Variants in APBB1IP observed in about 807,000 individuals in gnomAD.
The protein encoded by APBB1IP is amyloid beta precursor protein binding family B member 1 interacting protein.
Under a neutral mutation model 64.9 loss-of-function variants are expected in APBB1IP, and 27 were observed. That is an observed-to-expected ratio of 0.42 (90% CI 0.31 to 0.57). APBB1IP has a LOEUF of 0.57. Ranked by LOEUF, APBB1IP falls within the 20% of genes least tolerant of loss-of-function variation. The pLI is 0.20. For synonymous variants in APBB1IP, 392 were observed against 331.0 expected, an observed-to-expected ratio of 1.18 and a Z score of -2.00; for missense variants, 812 against 845.5, an observed-to-expected ratio of 0.96 and a Z score of 0.49.
intron 8 of APBB1IP, among the ~76,000 whole-genome samples, chr10:26,520,658 T>G (rs1178319653): frequency 6.6e-6 from 1 of 152,208 alleles, no homozygotes; most frequent in African/African-American, 2.4e-5. Context: ...TTGCTAGGCA[T>G]CCATTTCCAC....
At position 26,496,353 on chromosome 10, in the gene APBB1IP, C is replaced by G. The variant is rs1028172656; in HGVS notation, c.122C>G (p.Ala41Gly). The change falls in exon 4 of 15, where the codon GCT becomes GGT. Residue 41 changes from alanine (A) to glycine (G), a missense_variant. By Grantham distance (60) the Ala-to-Gly change is moderately conservative. Transcript: ENST00000376236. ...CCTCCTGACCCTAATCCACCCAGAG[C>G]TGAATTTAACTACAGTGTGGGGTTT... Reference protein sequence around the residue: ...LPPPDPNPPRAEFNYSVGFKD... With the variant: ...LPPPDPNPPRGEFNYSVGFKD... The G allele has an allele frequency of 6.2e-7, 1 of 1,612,776 alleles. No individual in the cohort carries two copies. Among genetic ancestry groups the G allele is most frequent in the East Asian group, 2.2e-5 (1 of 44,764 alleles).
intron 11 of APBB1IP, among the ~76,000 whole-genome samples, chr10:26,544,365 A>G (rs1836734810): frequency 6.6e-6 from 1 of 152,234 alleles, no homozygotes; most frequent in Admixed American, 6.5e-5. Flanking sequence ...GACTCTTTAC[A>G]AATGCAGGTT....
chr10:26,510,605 G>C (rs1464670096), intron 6 of APBB1IP, among the ~76,000 whole-genome samples: 4 of 151,828 alleles, frequency 2.6e-5, no homozygotes, highest in African/African-American at 9.7e-5. Flanking sequence ...GTGTGGTGGT[G>C]CACACCTGTG....
At chr10:26,440,643 T>C (rs1207831906) in intron 2 of APBB1IP, among the ~76,000 whole-genome samples, 3 of 150,860 alleles carry the variant, frequency 2.0e-5, no homozygotes, top group Admixed American at 6.7e-5. Flanking sequence ...TGAATTACTT[T>C]ATGGCATTAC....
At chr10:26,479,968 C>T (rs1478564666) in intron 2 of APBB1IP, among the ~76,000 whole-genome samples, 1 of 152,184 alleles carries the variant, frequency 6.6e-6, no homozygotes, top group African/African-American at 2.4e-5. Context: ...ACTAACATGG[C>T]ACCCTGTGGC....
intron 8 of APBB1IP, among the ~76,000 whole-genome samples, chr10:26,525,508 C>G (rs1436266534): frequency 6.6e-6 from 1 of 152,112 alleles, no homozygotes; most frequent in Non-Finnish European, 1.5e-5. Flanking sequence ...TACAGAGACT[C>G]TCTTGCACAG....
intron 2 of APBB1IP, among the ~76,000 whole-genome samples, chr10:26,490,803 CT>C (rs1835945639): frequency 2.0e-5 from 3 of 152,290 alleles, no homozygotes; most frequent in South Asian, 4.1e-4. Flanking sequence ...ATTATTCTCT[CT>C]GCTTTTTTAT....
chr10:26,500,448 C>G (rs79840977), intron 4 of APBB1IP, among the ~76,000 whole-genome samples: 3,814 of 152,218 alleles, frequency 0.025, 137 homozygotes, highest in African/African-American at 0.079. Context: ...AATGCTCCCC[C>G]CTCTGCTACT....
chr10:26,452,860 A>G (rs997636551), intron 2 of APBB1IP, among the ~76,000 whole-genome samples: 1 of 152,160 alleles, frequency 6.6e-6, no homozygotes, highest in Non-Finnish European at 1.5e-5. Flanking sequence ...CTGTATAGCC[A>G]TGTATACTCA....
At chr10:26,476,123 A>G (rs1335973764) in intron 2 of APBB1IP, among the ~76,000 whole-genome samples, 3 of 151,712 alleles carry the variant, frequency 2.0e-5, no homozygotes, top group East Asian at 3.9e-4. Flanking sequence ...CAATGCCACA[A>G]TCACAGCTCA....
chr10:26,507,563 G>C (rs1836198265), intron 6 of APBB1IP, among the ~76,000 whole-genome samples: 1 of 152,182 alleles, frequency 6.6e-6, no homozygotes, highest in Admixed American at 6.5e-5. Context: ...CAAGGTATGA[G>C]AGCAGGATTG....
Position 26,567,796 on chromosome 10 carries a change from T to G in APBB1IP, c.*308T>G. 12 of 350,904 alleles carry G rather than the reference T, an allele frequency of 3.4e-5. No homozygotes were observed. The highest frequency in any genetic ancestry group is 1.4e-4 in the East Asian group (1 of 6,916). 21.7% of individuals were successfully genotyped at this position (350,904 alleles called of 1,614,324 possible). A position where few individuals can be genotyped will look rare whatever the true frequency, so the allele number is the denominator to read the frequency against. ...AGCATCAAATAAAAGTTAAACGTTT[T>G]TCCGGAAGACGGTATTTCTAGAAAG... On this transcript the variant is annotated 3_prime_UTR_variant, in exon 15 of 15. Coordinates refer to ENST00000376236, the MANE Select transcript of APBB1IP (RefSeq NM_019043.4).
At chr10:26,445,072 T>C (rs773793728) in intron 2 of APBB1IP, among the ~76,000 whole-genome samples, 1 of 140,706 alleles carries the variant, frequency 7.1e-6, no homozygotes, top group Non-Finnish European at 1.5e-5. Flanking sequence ...CACTCCAGCC[T>C]GGTGACAGAG....
intron 13 of APBB1IP, among the ~76,000 whole-genome samples, chr10:26,561,773 C>G (rs1314990266): frequency 6.6e-6 from 1 of 152,148 alleles, no homozygotes; most frequent in Non-Finnish European, 1.5e-5. Context: ...AAAACCACAT[C>G]TAATTCCAGA....
At chr10:26,522,929 G>A (rs528023646) in intron 8 of APBB1IP, among the ~76,000 whole-genome samples, 14 of 150,910 alleles carry the variant, frequency 9.3e-5, no homozygotes, top group Middle Eastern at 3.4e-3. Context: ...GCTTGAACCC[G>A]GGAGGTGGAG....
intron 8 of APBB1IP, among the ~76,000 whole-genome samples, chr10:26,517,435 A>G (rs1588598967): frequency 6.6e-6 from 1 of 152,194 alleles, no homozygotes. Flanking sequence ...ATGGAATTAT[A>G]TCACAGTACT....
At position 26,492,414 on chromosome 10, in the gene APBB1IP, T is replaced by C. The variant is rs777779162; in HGVS notation, c.72+16T>C. Reference sequence around the variant, plus strand: ...TCTGACTCAGGTAAACTTCCCTTTTTAACTGGCAAATTGGAAAACAAAAAT... The same window carrying C: ...TCTGACTCAGGTAAACTTCCCTTTTCAACTGGCAAATTGGAAAACAAAAAT... On this transcript the variant is annotated intron_variant, in intron 3 of 14. Coordinates refer to ENST00000376236, the MANE Select transcript of APBB1IP (RefSeq NM_019043.4). 2 of 1,611,984 alleles carry C rather than the reference T, an allele frequency of 1.2e-6. No individual in the cohort carries two copies. The highest frequency in any genetic ancestry group is 2.2e-5 in the South Asian group (2 of 90,784).
intron 11 of APBB1IP, among the ~76,000 whole-genome samples, chr10:26,557,206 C>T (rs1588618928): frequency 6.6e-6 from 1 of 152,124 alleles, no homozygotes; most frequent in East Asian, 1.9e-4. Context: ...AGGGAGTAAG[C>T]ATTGAACCGC....
chr10:26,475,038 G>T lies in APBB1IP; in HGVS notation c.1-17289G>T, dbSNP rs1000031655. On this transcript the variant is annotated intron_variant, in intron 2 of 14. Transcript: ENST00000376236. The stretch of plus-strand genomic sequence containing the variant: ...TGTAACAGACACCTCCCTCCTTTGA[G>T]ATGAGAACGTGGCTCTATGAAAGCA... Among the ~76,000 whole-genome samples the T allele has an allele frequency of 2.0e-5, 3 of 152,166 alleles. No individual in the cohort carries two copies. The East Asian group carries it at 5.8e-4, about 29-fold the overall frequency.
Sources: gnomAD v4.1 joint callset for allele counts (sites outside exome capture counted in the v4.1 genomes callset) on GRCh38, gnomAD v4.1.1 for gene constraint, MANE v1.5 for transcripts, NCBI Gene and HGNC (gene_info 2026-07-23, HGNC 2026-07-21) for gene names.